EPHB1: variants seen among roughly 807,000 people sequenced by gnomAD.
EPHB1 encodes ephrin type-B receptor 1.
Under a neutral mutation model 94.4 loss-of-function variants are expected in EPHB1, and 30 were observed. That is an observed-to-expected ratio of 0.32 (90% CI 0.24 to 0.43). The LOEUF (loss-of-function observed/expected upper bound fraction) is 0.43. Ranked by LOEUF, EPHB1 falls within the 20% of genes least tolerant of loss-of-function variation. EPHB1 has a pLI of 1.00. For synonymous variants in EPHB1, 522 were observed against 489.1 expected, an observed-to-expected ratio of 1.07 and a Z score of -0.89; for missense variants, 1,055 against 1,308.3, an observed-to-expected ratio of 0.81 and a Z score of 2.99.
Position 135,259,008 on chromosome 3 carries a change from C to T in EPHB1, c.2847-4C>T, listed in dbSNP as rs1330327425. ...TGACTTCTTTTCTGGCTCTTTCCTC[C>T]TAGAGACCTCCTGAGAATAGGCATC... On this transcript the variant is annotated splice_polypyrimidine_tract_variant and splice_region_variant and intron_variant, in intron 15 of 15. Coordinates refer to ENST00000398015, the MANE Select transcript of EPHB1 (RefSeq NM_004441.5). The T allele has an allele frequency of 1.2e-6, 2 of 1,600,950 alleles. No homozygotes were observed. Among genetic ancestry groups the T allele is most frequent in the African/African-American group, 1.3e-5 (1 of 74,854 alleles).
intron 4 of EPHB1, among the ~76,000 whole-genome samples, chr3:135,108,107 C>T (rs375480392): frequency 5.2e-4 from 79 of 152,258 alleles, no homozygotes; most frequent in African/African-American, 1.7e-3. Context: ...CTCCTGAAAA[C>T]GCTCCTTTCC....
At chr3:135,118,680 T>G (rs952750683) in intron 4 of EPHB1, among the ~76,000 whole-genome samples, 4 of 152,124 alleles carry the variant, frequency 2.6e-5, no homozygotes, top group African/African-American at 9.7e-5. Flanking sequence ...AAGGATCACA[T>G]TTTGTTGATT....
intron 1 of EPHB1, among the ~76,000 whole-genome samples, chr3:134,902,458 T>A (rs2038221755): frequency 6.6e-6 from 1 of 152,212 alleles, no homozygotes; most frequent in Admixed American, 6.5e-5. Flanking sequence ...ATAGTGAATG[T>A]GTGCATGTGC....
At position 135,231,648 on chromosome 3, in the gene EPHB1, C is replaced by T. The variant is rs145767092; in HGVS notation, c.2347-9500C>T. Among the ~76,000 whole-genome samples, 285 of 152,298 alleles carry T rather than the reference C, an allele frequency of 1.9e-3. 1 individual carries two copies. The highest frequency in any genetic ancestry group is 6.4e-3 in the African/African-American group (267 of 41,568). ...CATATTTTATTACTAGTACGAAATA[C>T]ATTCTGCCATTCATTTTGGAGGAGC... is the stretch of plus-strand genomic sequence containing the variant. On this transcript the variant is annotated intron_variant, in intron 12 of 15. Coordinates refer to ENST00000398015, the MANE Select transcript of EPHB1 (RefSeq NM_004441.5).
intron 12 of EPHB1, among the ~76,000 whole-genome samples, chr3:135,217,466 A>ACG (rs1352892298): frequency 8.5e-6 from 1 of 117,822 alleles, no homozygotes; most frequent in Non-Finnish European, 1.8e-5. Context: ...ACACACACAC[A>ACG]CGCACACGGG....
chr3:134,918,541 A>C (rs187671945), intron 1 of EPHB1, among the ~76,000 whole-genome samples: 48 of 152,326 alleles, frequency 3.2e-4, no homozygotes, highest in African/African-American at 1.1e-3. Context: ...TCTGTAAACC[A>C]ACATCCCCTA....
chr3:135,039,984 C>T lies in EPHB1; in HGVS notation c.806-66464C>T, dbSNP rs76558344. Among the ~76,000 whole-genome samples, 94 of 152,314 alleles carry T rather than the reference C, an allele frequency of 6.2e-4. 1 individual carries two copies. The East Asian group carries it at 0.015, about 25-fold the overall frequency. Reference sequence around the variant, plus strand: ...CTGCCAGCATGCTGTCACCTCTCACCCCCAGCCACCAACTGAATACATTGA... The same window carrying T: ...CTGCCAGCATGCTGTCACCTCTCACTCCCAGCCACCAACTGAATACATTGA... On this transcript the variant is annotated intron_variant, in intron 3 of 15. Transcript: ENST00000398015.
At chr3:134,889,782 A>T (rs901289412) in intron 1 of EPHB1, among the ~76,000 whole-genome samples, 2 of 150,830 alleles carry the variant, frequency 1.3e-5, no homozygotes, top group African/African-American at 4.9e-5. Context: ...GGTTCATGCC[A>T]TTCTCCTTCC....
chr3:135,043,028 A>G (rs1429777066), intron 3 of EPHB1, among the ~76,000 whole-genome samples: 3 of 151,880 alleles, frequency 2.0e-5, no homozygotes, highest in Admixed American at 6.6e-5. Flanking sequence ...TTTTTAGTAG[A>G]GACAAGTTTC....
In EPHB1 at chr3:135,214,033, C is replaced by T. The variant is rs148857818; in HGVS notation, c.2346+12344C>T. Among the ~76,000 whole-genome samples, 510 of 152,276 alleles carry T rather than the reference C, an allele frequency of 3.3e-3. 3 individuals are homozygous for T. The highest frequency in any genetic ancestry group is 2.9e-3 in the African/African-American group (119 of 41,558). ...GCTCCTTCCTCTTGTCTCAAACTCC[C>T]GGTTCCTCTCACACTCTGTGTTTCT... On this transcript the variant is annotated intron_variant, in intron 12 of 15. Coordinates refer to ENST00000398015, the MANE Select transcript of EPHB1 (RefSeq NM_004441.5).
rs1933547747 is a variant in EPHB1 at position 135,259,249 on chromosome 3, GA to G, written c.*131del. The G allele has an allele frequency of 1.5e-6, 1 of 686,894 alleles. No homozygotes were observed. The allele number at this position is 686,894 out of a possible 1,614,324, so 42.5% of individuals were successfully genotyped here. A position where few individuals can be genotyped will look rare whatever the true frequency, so the allele number is the denominator to read the frequency against. On this transcript the variant is annotated 3_prime_UTR_variant, in exon 16 of 16. Coordinates refer to ENST00000398015, the MANE Select transcript of EPHB1 (RefSeq NM_004441.5). ...TGAGGAATGCATTTCCATCAGTGAA[GA>G]ATCAACCGGACCTGTTGCTAGCAGG...
intron 13 of EPHB1, among the ~76,000 whole-genome samples, chr3:135,247,413 G>C (rs1406539756): frequency 6.6e-6 from 1 of 152,054 alleles, no homozygotes; most frequent in Non-Finnish European, 1.5e-5. Context: ...TGTATTTTAG[G>C]CCTTCTGTTG....
chr3:134,975,959 A>G (rs1387995970), intron 3 of EPHB1, among the ~76,000 whole-genome samples: 1 of 152,196 alleles, frequency 6.6e-6, no homozygotes, highest in Non-Finnish European at 1.5e-5. Context: ...AGACAGAGAA[A>G]TAAGATGATA....
In EPHB1 at chr3:135,043,268, A is replaced by G. The variant is rs888750158; in HGVS notation, c.806-63180A>G. Among the ~76,000 whole-genome samples the G allele has an allele frequency of 2.7e-5, 4 of 148,760 alleles. No homozygotes were observed. The East Asian group carries it at 5.8e-4, about 22-fold the overall frequency. ...CACACATATCAAATAATAAATAATAATAATAATAGTAATAATAATAATAAT... is the reference window on the plus strand; with the variant it reads ...CACACATATCAAATAATAAATAATAGTAATAATAGTAATAATAATAATAAT... On this transcript the variant is annotated intron_variant, in intron 3 of 15. Transcript: ENST00000398015.
At chr3:135,131,186 A>G (rs1029834236) in intron 4 of EPHB1, among the ~76,000 whole-genome samples, 2 of 152,324 alleles carry the variant, frequency 1.3e-5, no homozygotes, top group African/African-American at 4.8e-5. Flanking sequence ...CTGCCCTGTC[A>G]CATGCGTGCA....
At chr3:135,252,616 T>C (rs1241810899) in intron 15 of EPHB1, among the ~76,000 whole-genome samples, 1 of 146,016 alleles carries the variant, frequency 6.8e-6, no homozygotes, top group Non-Finnish European at 1.5e-5. Flanking sequence ...AGTCTATCAT[T>C]GTTGGACATG....
intron 12 of EPHB1, among the ~76,000 whole-genome samples, chr3:135,240,177 ATATTT>A (rs1461513834): frequency 6.6e-6 from 1 of 152,148 alleles, no homozygotes; most frequent in Non-Finnish European, 1.5e-5. Flanking sequence ...TTTTAACAAT[ATATTT>A]TAAGTTTTTG....
chr3:135,109,474 A>T (rs563810181), intron 4 of EPHB1, among the ~76,000 whole-genome samples: 1 of 152,218 alleles, frequency 6.6e-6, no homozygotes, highest in Non-Finnish European at 1.5e-5. Context: ...GTAAACTCTC[A>T]ATCGATGTTA....
intron 3 of EPHB1, among the ~76,000 whole-genome samples, chr3:135,071,168 A>G (rs547544086): frequency 2.0e-5 from 3 of 152,312 alleles, no homozygotes; most frequent in African/African-American, 7.2e-5. Flanking sequence ...AACTTTCAAC[A>G]ATGTAGAAGG....
Sources: gnomAD v4.1 joint callset for allele counts (sites outside exome capture counted in the v4.1 genomes callset) on GRCh38, gnomAD v4.1.1 for gene constraint, MANE v1.5 for transcripts, NCBI Gene and HGNC (gene_info 2026-07-23, HGNC 2026-07-21) for gene names.